Variants in WSCD1 observed in about 807,000 individuals in gnomAD.
The protein encoded by WSCD1 is sialate:O-sulfotransferase 1.
A neutral mutation model predicts 60.4 loss-of-function variants in WSCD1; 41 were observed. The observed-to-expected ratio is 0.68, with a 90% confidence interval of 0.53 to 0.88. WSCD1 has a LOEUF of 0.88. Ranked by LOEUF, WSCD1 falls within the 40% of genes least tolerant of loss-of-function variation. The pLI, the probability that WSCD1 is intolerant of heterozygous loss-of-function variation, is 0.00. For synonymous variants in WSCD1, 361 were observed against 332.5 expected (o/e 1.09, Z -0.93); for missense variants, 784 against 796.2 (o/e 0.98, Z 0.18).
chr17:6,087,586 T>C (rs1909740924), intron 2 of WSCD1, among the ~76,000 whole-genome samples: 1 of 152,192 alleles, frequency 6.6e-6, no homozygotes, highest in South Asian at 2.1e-4. Flanking sequence ...AACGACCCTG[T>C]CTCTCAGGGC....
In WSCD1 at chr17:6,120,364, C is replaced by T; in HGVS notation, c.1431C>T (p.Asp477=). 6.2e-7 allele frequency: 1 copy of T among 1,614,136 alleles called. No individual in the cohort carries two copies. Among genetic ancestry groups the T allele is most frequent in the Non-Finnish European group, 8.5e-7 (1 of 1,180,040 alleles). Residue 477 remains aspartate (D), a synonymous_variant, in exon 9 of 9, where the codon GAC becomes GAT. Coordinates refer to ENST00000317744, the MANE Select transcript of WSCD1 (RefSeq NM_015253.2). ...CGTGGTGGTCCTCGCACGTCCTGGA[C>T]TGGCTCAAGTACGGGAAGCGGCTGC... is the stretch of plus-strand genomic sequence containing the variant. The part of the protein sequence containing the change: ...YASWWSSHVL[D]WLKYGKRLLV...
At chr17:6,070,913 G>A (rs1322660503) in intron 1 of WSCD1, among the ~76,000 whole-genome samples, 1 of 151,610 alleles carries the variant, frequency 6.6e-6, no homozygotes, top group Non-Finnish European at 1.5e-5. Context: ...GGGATGGGGT[G>A]GGGGTGCGCG....
chr17:6,120,762 A>C lies in WSCD1; in HGVS notation c.*101A>C. 1 of 1,290,056 alleles carries C rather than the reference A, an allele frequency of 7.8e-7. No homozygotes were observed. The highest frequency in any genetic ancestry group is 1.1e-6 in the Non-Finnish European group (1 of 947,046). The allele number at this position is 1,290,056 out of a possible 1,614,324, so 79.9% of individuals were successfully genotyped here. A position where few individuals can be genotyped will look rare whatever the true frequency, so the allele number is the denominator to read the frequency against. On this transcript the variant is annotated 3_prime_UTR_variant, in exon 9 of 9. Coordinates refer to ENST00000317744, the MANE Select transcript of WSCD1 (RefSeq NM_015253.2). Reference sequence around the variant, plus strand: ...CAGGCCCGTGGCCTCACTGGGACGAACGGTGGGTGGGGGGCTCACCCTGGT... The same window carrying C: ...CAGGCCCGTGGCCTCACTGGGACGACCGGTGGGTGGGGGGCTCACCCTGGT...
chr17:6,090,443 G>C lies in WSCD1; in HGVS notation c.665G>C (p.Cys222Ser). The C allele has an allele frequency of 6.2e-7, 1 of 1,613,448 alleles. No homozygotes were observed. Among genetic ancestry groups the C allele is most frequent in the Non-Finnish European group, 8.5e-7 (1 of 1,179,730 alleles). The change falls in exon 4 of 9, where the codon TGC becomes TCC. Residue 222 changes from cysteine (C) to serine (S), a missense_variant. Cys to Ser is a moderately radical substitution (Grantham distance 112). Coordinates refer to ENST00000317744, the MANE Select transcript of WSCD1 (RefSeq NM_015253.2). ...TGCAAAGGCGAGAAGGGCTCTGTGT[G>C]CGGGGCTGTGGACCGGCTCTCCGTG... ...HECKGEKGSV[C>S]GAVDRLSVYR...
chr17:6,080,598 T>TC lies in WSCD1; in HGVS notation c.-58dup. On this transcript the variant is annotated 5_prime_UTR_variant, in exon 2 of 9. It removes the in-frame stop codon of an upstream open reading frame in the 5' UTR. Transcript: ENST00000317744. This position sits in a 1 kb window ranked among gnomAD's most constrained non-coding sequence, Gnocchi z 6.6. ...ACGCCTCCGGAGGCCCTGGCCTCACTCCCACCTGGGCGCTAGGAGCCATCC... is the reference window on the plus strand; with the variant it reads ...ACGCCTCCGGAGGCCCTGGCCTCACTCCCCACCTGGGCGCTAGGAGCCATCC... 1 of 1,582,574 alleles carries TC rather than the reference T, an allele frequency of 6.3e-7. No homozygotes were observed.
At chr17:6,082,474 C>T (rs1047653329) in intron 2 of WSCD1, among the ~76,000 whole-genome samples, 18 of 152,190 alleles carry the variant, frequency 1.2e-4, no homozygotes, top group Non-Finnish European at 2.1e-4. Flanking sequence ...GGTCTACCAT[C>T]GTCACACTGC....
At position 6,120,775 on chromosome 17, in the gene WSCD1, G is replaced by A. The variant is rs138048666; in HGVS notation, c.*114G>A. The A allele has an allele frequency of 1.6e-3, 1,752 of 1,107,214 alleles. 8 individuals are homozygous for A. The highest frequency in any genetic ancestry group is 1.4e-3 in the Non-Finnish European group (1,116 of 789,612). 68.6% of individuals were successfully genotyped at this position (1,107,214 alleles called of 1,614,324 possible). A position where few individuals can be genotyped will look rare whatever the true frequency, so the allele number is the denominator to read the frequency against. On this transcript the variant is annotated 3_prime_UTR_variant, in exon 9 of 9. Transcript: ENST00000317744. ...TCACTGGGACGAACGGTGGGTGGGG[G>A]GCTCACCCTGGTGCTGCCTCCCGCA... is the stretch of plus-strand genomic sequence containing the variant.
At chr17:6,070,872 TG>T (rs1414623525) in intron 1 of WSCD1, among the ~76,000 whole-genome samples, 1 of 11,644 alleles carries the variant, frequency 8.6e-5, no homozygotes, top group East Asian at 2.6e-3. Context: ...GCAGGGGTTG[TG>T]GGGGGGCGGG....
rs910198690 is a variant in WSCD1, at chr17:6,083,689, G to A, written c.427+2604G>A. Among the ~76,000 whole-genome samples the A allele has an allele frequency of 3.3e-5, 5 of 152,172 alleles. No individual in the cohort carries two copies. The South Asian group carries it at 6.2e-4, about 19-fold the overall frequency. ...AGCTACTTGGGAGGCTGAGGCAGGA[G>A]AATCGCTTGAACCCAGGAGGCAGAG... On this transcript the variant is annotated intron_variant, in intron 2 of 8. Transcript: ENST00000317744.
chr17:6,081,320 C>T lies in WSCD1; in HGVS notation c.427+235C>T, dbSNP rs527486533. 1.6e-4 allele frequency among the ~76,000 whole-genome samples: 25 copies of T among 152,208 alleles called. No homozygotes were observed. The Middle Eastern group carries it at 0.014, about 83-fold the overall frequency. On this transcript the variant is annotated intron_variant, in intron 2 of 8. Transcript: ENST00000317744. Reference sequence around the variant, plus strand: ...GAGATGTTGTGAGCAGGTCACTTAGCGCTCCGGCTTTGGATTCAGACAGAC... The same window carrying T: ...GAGATGTTGTGAGCAGGTCACTTAGTGCTCCGGCTTTGGATTCAGACAGAC...
chr17:6,113,960 A>G (rs1472222878), intron 7 of WSCD1, among the ~76,000 whole-genome samples: 1 of 152,110 alleles, frequency 6.6e-6, no homozygotes, highest in Non-Finnish European at 1.5e-5. Flanking sequence ...TAGAATTGTC[A>G]TATATATGAT....
At chr17:6,097,515 C>A (rs1256652141) in intron 5 of WSCD1, among the ~76,000 whole-genome samples, 1 of 152,254 alleles carries the variant, frequency 6.6e-6, no homozygotes, top group African/African-American at 2.4e-5. Flanking sequence ...CACCGGACAG[C>A]CTGTCTCGGA....
At position 6,109,602 on chromosome 17, in the gene WSCD1, G is replaced by T. The variant is rs764370715; in HGVS notation, c.850-5G>T. The T allele has an allele frequency of 6.2e-7, 1 of 1,613,164 alleles. No individual in the cohort carries two copies. The highest frequency in any genetic ancestry group is 1.1e-5 in the South Asian group (1 of 90,994). ...TGTGCTTCTCTTCTTATCGTTCCCT[G>T]GCAGGAGTTCCCCTTGGCCATTCTC... On this transcript the variant is annotated splice_region_variant and splice_polypyrimidine_tract_variant and intron_variant, in intron 5 of 8. Transcript: ENST00000317744.
chr17:6,104,020 G>A (rs563089869), intron 5 of WSCD1, among the ~76,000 whole-genome samples: 1 of 152,182 alleles, frequency 6.6e-6, no homozygotes, highest in Non-Finnish European at 1.5e-5. Flanking sequence ...TTTGGCTCAT[G>A]GTTCTGCAAG....
intron 4 of WSCD1, 76 bp downstream of exon 4, chr17:6,090,581 C>A: frequency 1.3e-6 from 2 of 1,546,836 alleles, no homozygotes; most frequent in South Asian, 1.2e-5. Flanking sequence ...CACAACCTCT[C>A]AATGAAACTA....
chr17:6,088,194 G>A, intron 3 of WSCD1, 90 bp downstream of exon 3: 2 of 1,104,672 alleles, frequency 1.8e-6, no homozygotes, highest in Non-Finnish European at 1.3e-6. Context: ...CTACCAGTTG[G>A]CTGTCATAGC....
intron 7 of WSCD1, among the ~76,000 whole-genome samples, chr17:6,115,206 C>T (rs376378177): frequency 3.3e-5 from 5 of 152,216 alleles, no homozygotes; most frequent in South Asian, 4.2e-4. Flanking sequence ...TTCATGAGAT[C>T]GTGCCTATTC....
chr17:6,069,806 C>T (rs1226827791), upstream of WSCD1, among the ~76,000 whole-genome samples: 6 of 109,338 alleles, frequency 5.5e-5, no homozygotes, highest in Middle Eastern at 6.2e-3. Context: ...TGTGTGCGTG[C>T]GTGTGTGGTG....
chr17:6,102,220 A>G (rs1360128585), intron 5 of WSCD1, among the ~76,000 whole-genome samples: 1 of 152,236 alleles, frequency 6.6e-6, no homozygotes, highest in African/African-American at 2.4e-5. Context: ...ATGGAAAAGC[A>G]TGCATTAATA....
Sources: allele counts gnomAD v4.1 joint callset (sites outside exome capture counted in the v4.1 genomes callset), GRCh38; gene constraint gnomAD v4.1.1; non-coding constraint Gnocchi (gnomAD v3.1); transcripts MANE v1.5; gene names NCBI Gene and HGNC (gene_info 2026-07-23, HGNC 2026-07-21).